Variants in CEP95 observed in about 807,000 individuals in gnomAD.
CEP95 encodes centrosomal protein 95, also known as centrosomal protein of 95 kDa.
Under a neutral mutation model 111.2 loss-of-function variants are expected in CEP95, and 98 were observed. That is an observed-to-expected ratio of 0.88 (90% CI 0.75 to 1.04). The LOEUF (loss-of-function observed/expected upper bound fraction) is 1.04, where lower values mean the gene tolerates loss of function less well. Among genes scored for constraint, CEP95 ranks in the 50% least tolerant of loss-of-function variants. The probability of loss-of-function intolerance (pLI) is 0.00; values close to 1 mark genes in which losing one functional copy is unlikely to be tolerated. For missense variants in CEP95, 1,027 were observed against 977.2 expected, an observed-to-expected ratio of 1.05 and a Z score of -0.68; for synonymous variants, 323 against 327.1, an observed-to-expected ratio of 0.99 and a Z score of 0.14.
rs1967815410 is a variant in CEP95, at chr17:64,526,315, C to T, written c.1152+115C>T. The stretch of plus-strand genomic sequence containing the variant: ...ATTAGTTGTGTCTTATTAATAGTTA[C>T]TGTGAAAATGTTCCGTAAGTCAAGC... On this transcript the variant is annotated intron_variant, in intron 10 of 19. Coordinates refer to ENST00000556440, the MANE Select transcript of CEP95 (RefSeq NM_138363.3). 9 of 1,027,172 alleles carry T rather than the reference C, an allele frequency of 8.8e-6. No individual in the cohort carries two copies. In the East Asian group the frequency reaches 1.0e-4, roughly 12 times the overall value. 63.6% of individuals were successfully genotyped at this position (1,027,172 alleles called of 1,614,324 possible).
chr17:64,509,938 A>G (rs1025882821), intron 2 of CEP95, among the ~76,000 whole-genome samples: 3 of 152,056 alleles, frequency 2.0e-5, no homozygotes, highest in Admixed American at 6.6e-5. Flanking sequence ...TAAATATTCA[A>G]CCGTATTCAA....
intron 6 of CEP95, 69 bp from the exon 7 acceptor site, chr17:64,521,333 C>A: frequency 8.5e-7 from 1 of 1,178,400 alleles, no homozygotes; most frequent in Non-Finnish European, 1.2e-6. Flanking sequence ...AAACTCTTGG[C>A]TTTTAGTATA....
At chr17:64,507,617 C>A in intron 1 of CEP95, 1 of 990,340 alleles carries the variant, frequency 1.0e-6, no homozygotes, top group Non-Finnish European at 1.2e-6. Context: ...TGTCTAGCAC[C>A]GCTTTTGAAG....
rs2038719966 is a variant in CEP95 at position 64,508,711 on chromosome 17, A to G, written c.139A>G (p.Lys47Glu). Residue 47 changes from lysine (K) to glutamate (E), a missense_variant, in exon 2 of 20, where the codon AAG becomes GAG. Lys to Glu is a moderately conservative substitution (Grantham distance 56, BLOSUM62 1). Transcript: ENST00000556440. ...IALYQSILGE[K>E]VPDLIVIPRS... The stretch of plus-strand genomic sequence containing the variant: ...TCTTTATCAGTCTATTTTGGGAGAA[A>G]AGGTACCAGGTAAGAATACTAAAAG... 4 of 1,403,060 alleles carry G rather than the reference A, an allele frequency of 2.9e-6. No individual in the cohort carries two copies. The East Asian group carries it at 1.1e-4, about 38-fold the overall frequency. The allele number at this position is 1,403,060 out of a possible 1,614,324, so 86.9% of individuals were successfully genotyped here. A position where few individuals can be genotyped will look rare whatever the true frequency, so the allele number is the denominator to read the frequency against.
In CEP95 at chr17:64,526,088, C is replaced by G. The variant is rs782019223; in HGVS notation, c.1040C>G (p.Thr347Arg). 1.3e-5 allele frequency: 21 copies of G among 1,613,516 alleles called. No homozygotes were observed. The South Asian group carries it at 2.3e-4, about 18-fold the overall frequency. ...TATTACAGAAATGAAAACAGAGCTA[C>G]AGCCTCATCCTGCAATTCACCTTTC... ...PKGKRNENRA[T>R]ASSCNSPFPQ... The change falls in exon 10 of 20, where the codon ACA becomes AGA. Residue 347 changes from threonine to arginine, a missense_variant. Transcript: ENST00000556440.
At chr17:64,508,785 G>A in intron 2 of CEP95, 65 bp downstream of exon 2, 5 of 728,406 alleles carry the variant, frequency 6.9e-6, no homozygotes, top group Admixed American at 3.3e-5. Flanking sequence ...TAGTCCTTTA[G>A]TTAGATTCTT....
chr17:64,536,529 C>T (rs1436637699), intron 17 of CEP95, 73 bp from the exon 18 acceptor site: 2 of 1,019,588 alleles, frequency 2.0e-6, no homozygotes, highest in South Asian at 2.0e-5. Context: ...TTGGGAAATA[C>T]AATCAGTATA....
intron 3 of CEP95, 136 bp downstream of exon 3, chr17:64,510,416 A>T (rs782200918): frequency 1.6e-6 from 1 of 630,790 alleles, no homozygotes; most frequent in Non-Finnish European, 2.8e-6. Flanking sequence ...AAGACAATCA[A>T]CTGATAGAGG....
At chr17:64,509,768 A>G (rs1414306766) in intron 2 of CEP95, among the ~76,000 whole-genome samples, 1 of 152,098 alleles carries the variant, frequency 6.6e-6, no homozygotes, top group Non-Finnish European at 1.5e-5. Flanking sequence ...CTTCGTAGAA[A>G]GTAGCCCATA....
chr17:64,522,825 A>G lies in CEP95; in HGVS notation c.839A>G (p.Lys280Arg), dbSNP rs1555678282. ...SEPRAPCPIG[K>R]EYLHSSHCSP... is the part of the protein sequence containing the mutation. ...CCTCGAGCACCCTGCCCCATAGGAA[A>G]AGAATACTTGCATTCAAGTCACTGC... Residue 280 changes from lysine to arginine, a missense_variant, in exon 8 of 20, where the codon AAA becomes AGA. Lys to Arg is a conservative substitution (Grantham distance 26). Transcript: ENST00000556440. 1.2e-6 allele frequency: 2 copies of G among 1,613,770 alleles called. No homozygotes were observed. Among genetic ancestry groups the G allele is most frequent in the East Asian group, 2.2e-5 (1 of 44,868 alleles).
At chr17:64,512,790 C>T (rs2038963009) in intron 3 of CEP95, among the ~76,000 whole-genome samples, 1 of 152,126 alleles carries the variant, frequency 6.6e-6, no homozygotes, top group African/African-American at 2.4e-5. Context: ...AATTTGAGGG[C>T]TACTCCCATA....
At chr17:64,536,926 CAGTAT>C (rs1968695263) in intron 18 of CEP95, 110 bp from the exon 19 acceptor site, 6 of 1,202,946 alleles carry the variant, frequency 5.0e-6, no homozygotes, top group African/African-American at 1.5e-5. Flanking sequence ...GACCATAGTA[CAGTAT>C]ATTTCCCTAT....
At chr17:64,536,867 G>C in intron 18 of CEP95, 119 bp downstream of exon 18, 1 of 1,264,624 alleles carries the variant, frequency 7.9e-7, no homozygotes, top group Admixed American at 2.5e-5. Flanking sequence ...GCACTCTACA[G>C]ATTAGAGGAC....
rs782199048 is a variant in CEP95, at chr17:64,529,450, C to T, written c.1446+23C>T. On this transcript the variant is annotated intron_variant, in intron 12 of 19. Coordinates refer to ENST00000556440, the MANE Select transcript of CEP95 (RefSeq NM_138363.3). ...CAGGTTCTTCCCCATCTCTTGACTA[C>T]CATTAAGCAGCAGCCAGTACCATTT... is the stretch of plus-strand genomic sequence containing the variant. The T allele has an allele frequency of 1.1e-5, 17 of 1,611,402 alleles. No individual in the cohort carries two copies. In the South Asian group the frequency reaches 1.8e-4, roughly 17 times the overall value.
At chr17:64,514,697 A>G in intron 4 of CEP95, 1 of 353,138 alleles carries the variant, frequency 2.8e-6, no homozygotes, top group Non-Finnish European at 5.1e-6. Flanking sequence ...TTTATGGTAA[A>G]TATTTGGATG....
intron 11 of CEP95, among the ~76,000 whole-genome samples, chr17:64,527,982 T>C (rs375655482): frequency 6.6e-6 from 1 of 151,782 alleles, no homozygotes; most frequent in East Asian, 1.9e-4. Flanking sequence ...AATTCTGCAA[T>C]GAACAGCCTA....
chr17:64,533,292 T>C, intron 16 of CEP95, 101 bp downstream of exon 16: 2 of 932,262 alleles, frequency 2.1e-6, no homozygotes, highest in Non-Finnish European at 3.2e-6. Flanking sequence ...CTTAACCTCT[T>C]AACACCTGCA....
chr17:64,506,772 C>T (rs1221435101), upstream of CEP95: 4 of 520,534 alleles, frequency 7.7e-6, no homozygotes, highest in South Asian at 6.5e-5. Flanking sequence ...GCGCTGCTCG[C>T]ACCCCGGGAC....
intron 18 of CEP95, 54 bp from the exon 19 acceptor site, chr17:64,536,987 A>G: frequency 6.7e-7 from 1 of 1,501,670 alleles, no homozygotes; most frequent in South Asian, 1.2e-5. Context: ...GAAATGTTAC[A>G]TTTGGACTAC....
Sources: allele counts gnomAD v4.1 joint callset (sites outside exome capture counted in the v4.1 genomes callset), GRCh38; gene constraint gnomAD v4.1.1; transcripts MANE v1.5; gene names NCBI Gene and HGNC (gene_info 2026-07-23, HGNC 2026-07-21).